KIF18A: variants seen among roughly 807,000 people sequenced by gnomAD.
The protein encoded by KIF18A is kinesin-like protein KIF18A.
In KIF18A, 67 loss-of-function variants were observed where a neutral mutation model predicts 103.3. The observed-to-expected ratio is 0.65, with a 90% CI of 0.53 to 0.79. KIF18A has a LOEUF of 0.79. Ranked by LOEUF, KIF18A falls within the 30% of genes least tolerant of loss-of-function variation. The probability of loss-of-function intolerance (pLI) is 0.00; values close to 1 mark genes in which losing one functional copy is unlikely to be tolerated. For synonymous variants in KIF18A, 367 were observed against 355.5 expected, an observed-to-expected ratio of 1.03 and a Z score of -0.36; for missense variants, 1,032 against 1,062.5, an observed-to-expected ratio of 0.97 and a Z score of 0.40.
At chr11:28,028,729 T>A (rs1286463045) in intron 15 of KIF18A, among the ~76,000 whole-genome samples, 1 of 151,896 alleles carries the variant, frequency 6.6e-6, no homozygotes. Context: ...AAAAAATCAA[T>A]GAATCCAGGA....
At chr11:28,042,829 CT>C (rs1158114903) in intron 13 of KIF18A, among the ~76,000 whole-genome samples, 2 of 151,784 alleles carry the variant, frequency 1.3e-5, no homozygotes, top group African/African-American at 4.8e-5. Context: ...TAAACTTGAC[CT>C]AATGTTGGTA....
chr11:28,043,975 C>A (rs1850597237), intron 13 of KIF18A, among the ~76,000 whole-genome samples: 1 of 151,408 alleles, frequency 6.6e-6, no homozygotes, highest in Non-Finnish European at 1.5e-5. Context: ...AAAATCAGCT[C>A]TTTCAAACCT....
intron 11 of KIF18A, among the ~76,000 whole-genome samples, chr11:28,064,483 A>G (rs1259509454): frequency 1.3e-5 from 2 of 152,094 alleles, no homozygotes; most frequent in African/African-American, 4.8e-5. Flanking sequence ...TTATAGCATT[A>G]GGAGAAATAC....
intron 6 of KIF18A, among the ~76,000 whole-genome samples, chr11:28,085,104 T>C (rs1331920106): frequency 2.0e-5 from 3 of 151,990 alleles, no homozygotes; most frequent in Admixed American, 2.0e-4. Context: ...AACCGGCGGG[T>C]ATGGGGTCAG....
At chr11:28,065,521 A>G (rs1850907740) in intron 11 of KIF18A, among the ~76,000 whole-genome samples, 1 of 152,116 alleles carries the variant, frequency 6.6e-6, no homozygotes, top group African/African-American at 2.4e-5. Flanking sequence ...TGCTAGAAAA[A>G]TTAGATTTGA....
intron 9 of KIF18A, among the ~76,000 whole-genome samples, chr11:28,077,572 T>C (rs1339625973): frequency 1.3e-5 from 2 of 152,212 alleles, no homozygotes; most frequent in Non-Finnish European, 2.9e-5. Flanking sequence ...AAGGCCCTAT[T>C]AGCAACACAG....
At chr11:28,107,472 CAG>C in intron 1 of KIF18A, among the ~76,000 whole-genome samples, 1 of 152,116 alleles carries the variant, frequency 6.6e-6, no homozygotes, top group East Asian at 1.9e-4. Flanking sequence ...ATTTGCCAAA[CAG>C]TATCTCTTCC....
intron 6 of KIF18A, among the ~76,000 whole-genome samples, chr11:28,087,054 C>T (rs962127380): frequency 2.6e-5 from 4 of 151,610 alleles, no homozygotes; most frequent in African/African-American, 9.7e-5. Flanking sequence ...GTTTAACAAG[C>T]CAAAGCTTTT....
intron 11 of KIF18A, among the ~76,000 whole-genome samples, chr11:28,065,741 T>C (rs1850911714): frequency 6.6e-6 from 1 of 152,058 alleles, no homozygotes; most frequent in Non-Finnish European, 1.5e-5. Flanking sequence ...TTTTGCCTGC[T>C]TAATACTTCA....
At chr11:28,041,726 A>T (rs1419452654) in intron 13 of KIF18A, among the ~76,000 whole-genome samples, 2 of 151,914 alleles carry the variant, frequency 1.3e-5, no homozygotes, top group African/African-American at 4.8e-5. Context: ...AGCTTAAGCA[A>T]GAAATGACAG....
At chr11:28,059,393 T>A (rs1411422457) in intron 12 of KIF18A, among the ~76,000 whole-genome samples, 1 of 152,104 alleles carries the variant, frequency 6.6e-6, no homozygotes, top group Non-Finnish European at 1.5e-5. Flanking sequence ...CCACTACTTA[T>A]AATAGGAGAT....
At chr11:28,046,354 G>T (rs372730665) in intron 13 of KIF18A, among the ~76,000 whole-genome samples, 3 of 148,538 alleles carry the variant, frequency 2.0e-5, no homozygotes, top group Middle Eastern at 3.5e-3. Flanking sequence ...CACCATGGAA[G>T]ACTATGCAGC....
intron 10 of KIF18A, among the ~76,000 whole-genome samples, chr11:28,074,567 T>A (rs1430803685): frequency 6.6e-6 from 1 of 152,172 alleles, no homozygotes; most frequent in Non-Finnish European, 1.5e-5. Flanking sequence ...GTTTAATAGC[T>A]ACTGACAAAC....
At chr11:28,075,111 A>G (rs1851072448) in intron 10 of KIF18A, among the ~76,000 whole-genome samples, 1 of 152,150 alleles carries the variant, frequency 6.6e-6, no homozygotes, top group African/African-American at 2.4e-5. Context: ...TTCACTAAAT[A>G]TCTCCTTCTG....
chr11:28,036,135 CTT>C, intron 14 of KIF18A, 80 bp downstream of exon 14: 2 of 829,198 alleles, frequency 2.4e-6, no homozygotes, highest in South Asian at 4.2e-5. Context: ...AAATGGCACA[CTT>C]GGTTTATGAA....
chr11:28,068,919 C>A (rs1850972963), intron 11 of KIF18A, among the ~76,000 whole-genome samples: 1 of 152,000 alleles, frequency 6.6e-6, no homozygotes, highest in Non-Finnish European at 1.5e-5. Flanking sequence ...TCTTCAGTTA[C>A]ACACACACAC....
At chr11:28,062,888 C>G (rs369969052) in intron 11 of KIF18A, among the ~76,000 whole-genome samples, 3 of 151,946 alleles carry the variant, frequency 2.0e-5, no homozygotes, top group African/African-American at 7.2e-5. Flanking sequence ...CACTCTCCAC[C>G]CCTCAATATT....
At chr11:28,096,708 A>G (rs1426002436) in intron 2 of KIF18A, among the ~76,000 whole-genome samples, 1 of 152,102 alleles carries the variant, frequency 6.6e-6, no homozygotes, top group Non-Finnish European at 1.5e-5. Context: ...CCATGATAAA[A>G]CTGAAATGAA....
intron 13 of KIF18A, among the ~76,000 whole-genome samples, chr11:28,053,263 GCTGT>G (rs978974106): frequency 1.1e-4 from 16 of 152,078 alleles, no homozygotes; most frequent in African/African-American, 3.1e-4. Context: ...GAAATGATGT[GCTGT>G]CTGAGATCTA....
Sources: gnomAD v4.1 joint callset for allele counts (sites outside exome capture counted in the v4.1 genomes callset) on GRCh38, gnomAD v4.1.1 for gene constraint, MANE v1.5 for transcripts, NCBI Gene and HGNC (gene_info 2026-07-23, HGNC 2026-07-21) for gene names.